ADGRB3: variants seen among roughly 807,000 people sequenced by gnomAD.
The protein encoded by ADGRB3 is adhesion G protein-coupled receptor B3.
Under a neutral mutation model 193.4 loss-of-function variants are expected in ADGRB3, and 37 were observed. That is an observed-to-expected ratio of 0.19 (90% CI 0.15 to 0.25). The LOEUF is 0.25. ADGRB3 is among the 10% of genes least tolerant of loss of function. The pLI is 1.00. For synonymous variants in ADGRB3, 690 were observed against 644.2 expected (o/e 1.07, Z -1.08); for missense variants, 1,637 against 1,852.9 (o/e 0.88, Z 2.14).
chr6:68,735,414 G>A (rs927349322), intron 3 of ADGRB3, among the ~76,000 whole-genome samples: 9 of 151,912 alleles, frequency 5.9e-5, no homozygotes, highest in Admixed American at 2.0e-4. Context: ...ATTATATACT[G>A]TGTAAATATA....
intron 17 of ADGRB3, among the ~76,000 whole-genome samples, chr6:69,113,646 T>C (rs1773438816): frequency 6.6e-6 from 1 of 152,190 alleles, no homozygotes; most frequent in Non-Finnish European, 1.5e-5. Flanking sequence ...TTATATCATT[T>C]GTTACAACAT....
intron 13 of ADGRB3, among the ~76,000 whole-genome samples, chr6:69,039,882 C>T (rs1194733436): frequency 2.6e-5 from 4 of 151,586 alleles, no homozygotes; most frequent in Non-Finnish European, 4.4e-5. Flanking sequence ...GCTGGGACTA[C>T]AGGCGCGTGC....
rs765527940 is a variant in ADGRB3, at chr6:68,993,904, G to A, written c.1871G>A (p.Arg624Lys). Residue 624 changes from arginine (R) to lysine (K), a missense_variant, in exon 11 of 32, where the codon AGA becomes AAA. Coordinates refer to ENST00000370598, the MANE Select transcript of ADGRB3 (RefSeq NM_001704.3). ...CTTCTGATGTCTGTGGAGATCCTGA[G>A]AAATGTGACAGACACATTTAAAAGG... ...GDLLMSVEILRNVTDTFKRAS... is the reference protein window; with the variant it reads ...GDLLMSVEILKNVTDTFKRAS... 3.4e-5 allele frequency: 55 copies of A among 1,613,786 alleles called. No individual in the cohort carries two copies. Among genetic ancestry groups the A allele is most frequent in the Non-Finnish European group, 4.5e-5 (53 of 1,179,862 alleles).
intron 20 of ADGRB3, among the ~76,000 whole-genome samples, chr6:69,250,231 A>G (rs1185282224): frequency 1.3e-5 from 2 of 152,160 alleles, no homozygotes; most frequent in Admixed American, 6.5e-5. Context: ...ATTAAATTCT[A>G]TCTGTATTTT....
At chr6:69,108,678 T>A (rs1773285400) in intron 17 of ADGRB3, among the ~76,000 whole-genome samples, 1 of 152,124 alleles carries the variant, frequency 6.6e-6, no homozygotes, top group South Asian at 2.1e-4. Context: ...AGAAGACATT[T>A]TTTTAGTAAG....
At chr6:68,829,067 T>C (rs575369615) in intron 3 of ADGRB3, among the ~76,000 whole-genome samples, 2 of 151,936 alleles carry the variant, frequency 1.3e-5, no homozygotes, top group East Asian at 3.9e-4. Flanking sequence ...CAGGTTGTTT[T>C]TTTTTTAATA....
At chr6:68,731,911 A>G (rs1014851567) in intron 3 of ADGRB3, among the ~76,000 whole-genome samples, 7 of 151,704 alleles carry the variant, frequency 4.6e-5, no homozygotes, top group African/African-American at 1.4e-4. Flanking sequence ...ATTGATATAC[A>G]TTTATGCACA....
Position 68,676,550 on chromosome 6 carries a change from T to C in ADGRB3, c.757+37118T>C, listed in dbSNP as rs138951833. 3.5e-4 allele frequency among the ~76,000 whole-genome samples: 54 copies of C among 152,328 alleles called. No individual in the cohort carries two copies. The East Asian group carries it at 7.9e-3, about 22-fold the overall frequency. ...ACGACATTGCAATGAAGCTAATTCA[T>C]AGCCAGAGAACTGCTGTTTAAGCGA... On this transcript the variant is annotated intron_variant, in intron 3 of 31. Coordinates refer to ENST00000370598, the MANE Select transcript of ADGRB3 (RefSeq NM_001704.3).
chr6:69,311,434 A>G lies in ADGRB3; in HGVS notation c.2815-13438A>G, dbSNP rs376313935. ...TTCCGATGGTAATGAGCTGGTAAAA[A>G]TACACGGTCACTTAGCTAACAGAGG... On this transcript the variant is annotated intron_variant, in intron 20 of 31. Transcript: ENST00000370598. Among the ~76,000 whole-genome samples, 13 of 151,860 alleles carry G rather than the reference A, an allele frequency of 8.6e-5. No individual in the cohort carries two copies. In the East Asian group the frequency reaches 2.5e-3, roughly 30 times the overall value.
chr6:69,361,290 G>C lies in ADGRB3; in HGVS notation c.4017G>C (p.Arg1339Ser), dbSNP rs752611308. The change falls in exon 29 of 32, where the codon AGG (arginine) becomes AGC (serine). Residue 1339 changes from arginine to serine, a missense_variant. By Grantham distance (110) the Arg-to-Ser change is moderately radical. Transcript: ENST00000370598. ...GCATGGAAACCTTGCCGCATGAAAG[G>C]CTATTGCACTACAAAGTAAACCCTG... is the stretch of plus-strand genomic sequence containing the variant. ...NIGMETLPHERLLHYKVNPEF... is the reference protein window; with the variant it reads ...NIGMETLPHESLLHYKVNPEF... The C allele has an allele frequency of 3.7e-6, 6 of 1,612,708 alleles. No homozygotes were observed. Among genetic ancestry groups the C allele is most frequent in the African/African-American group, 1.3e-5 (1 of 74,812 alleles).
intron 17 of ADGRB3, among the ~76,000 whole-genome samples, chr6:69,185,071 A>G (rs181613327): frequency 6.6e-6 from 1 of 152,146 alleles, no homozygotes; most frequent in Admixed American, 6.6e-5. Flanking sequence ...AAATTCTTCT[A>G]TAATTTCTAA....
At chr6:69,019,724 A>G (rs1439460826) in intron 13 of ADGRB3, among the ~76,000 whole-genome samples, 2 of 151,902 alleles carry the variant, frequency 1.3e-5, no homozygotes, top group Admixed American at 6.6e-5. Flanking sequence ...TTCTGAGCCT[A>G]TTGGAGGGCC....
intron 3 of ADGRB3, among the ~76,000 whole-genome samples, chr6:68,647,973 C>G (rs1768254087): frequency 6.6e-6 from 1 of 152,086 alleles, no homozygotes; most frequent in African/African-American, 2.4e-5. Flanking sequence ...TGGTTAGCAT[C>G]AATTTGAGAA....
intron 3 of ADGRB3, among the ~76,000 whole-genome samples, chr6:68,916,779 G>A (rs1478980813): frequency 6.6e-6 from 1 of 152,144 alleles, no homozygotes; most frequent in Non-Finnish European, 1.5e-5. Flanking sequence ...TTGCAGAAAC[G>A]AAAAGGAGGC....
intron 17 of ADGRB3, among the ~76,000 whole-genome samples, chr6:69,141,396 T>G (rs1774338805): frequency 6.6e-6 from 1 of 151,756 alleles, no homozygotes; most frequent in Admixed American, 6.6e-5. Context: ...GTGCTGGGAT[T>G]ACAGGCATGA....
intron 29 of ADGRB3, 37 bp from the exon 30 acceptor site, chr6:69,372,369 T>G: frequency 8.3e-7 from 1 of 1,201,814 alleles, no homozygotes; most frequent in Non-Finnish European, 1.2e-6. Flanking sequence ...ATAACTTTAT[T>G]GGTTTTTCTC....
chr6:68,896,348 T>A (rs1246426397), intron 3 of ADGRB3, among the ~76,000 whole-genome samples: 1 of 152,096 alleles, frequency 6.6e-6, no homozygotes, highest in Non-Finnish European at 1.5e-5. Context: ...TCAGAGATTG[T>A]CAGGAAGGGA....
intron 17 of ADGRB3, among the ~76,000 whole-genome samples, chr6:69,196,647 C>A (rs1012551221): frequency 6.6e-6 from 1 of 152,070 alleles, no homozygotes; most frequent in Non-Finnish European, 1.5e-5. Context: ...AACTTAATCA[C>A]CTCTATTAAA....
intron 13 of ADGRB3, among the ~76,000 whole-genome samples, chr6:69,023,785 C>A (rs16900425): frequency 0.022 from 3,413 of 152,008 alleles, 65 homozygotes; most frequent in East Asian, 0.052. Flanking sequence ...ATGCAGGAGA[C>A]AATGAAGACA....
Sources: gnomAD v4.1 joint callset for allele counts (sites outside exome capture counted in the v4.1 genomes callset) on GRCh38, gnomAD v4.1.1 for gene constraint, MANE v1.5 for transcripts, NCBI Gene and HGNC (gene_info 2026-07-23, HGNC 2026-07-21) for gene names.